The following LDB2 variants were observed in gnomAD, a reference collection of about 807,000 sequenced individuals.
LDB2 encodes LIM domain binding 2, also known as LIM domain-binding protein 2.
A neutral mutation model predicts 44.3 loss-of-function variants in LDB2; 12 were observed. The ratio of observed to expected loss-of-function variants is 0.27; its 90% CI spans 0.17 to 0.44. The LOEUF is 0.44. Among genes scored for constraint, LDB2 ranks in the 20% least tolerant of loss-of-function variants. The pLI, the probability that LDB2 is intolerant of heterozygous loss-of-function variation, is 1.00. For synonymous variants in LDB2, 164 were observed against 174.8 expected, an observed-to-expected ratio of 0.94 and a Z score of 0.49; for missense variants, 344 against 473.5, an observed-to-expected ratio of 0.73 and a Z score of 2.54.
At chr4:16,659,367 C>G (rs920717786) in intron 2 of LDB2, among the ~76,000 whole-genome samples, 2 of 152,118 alleles carry the variant, frequency 1.3e-5, no homozygotes, top group African/African-American at 4.8e-5. Flanking sequence ...CATGGCCTCA[C>G]CACTGAAGTC....
At chr4:16,868,945 G>A (rs191049215) in intron 1 of LDB2, among the ~76,000 whole-genome samples, 9 of 152,124 alleles carry the variant, frequency 5.9e-5, no homozygotes, top group Middle Eastern at 3.4e-3. Context: ...TGATGATGCC[G>A]GTGATGAGAA....
intron 5 of LDB2, among the ~76,000 whole-genome samples, chr4:16,573,284 C>T (rs1302275481): frequency 6.6e-6 from 1 of 152,168 alleles, no homozygotes; most frequent in Non-Finnish European, 1.5e-5. Context: ...GAGCTGGTTT[C>T]TGAATCAGAC....
intron 1 of LDB2, among the ~76,000 whole-genome samples, chr4:16,783,458 C>A (rs182685495): frequency 6.6e-6 from 1 of 152,236 alleles, no homozygotes; most frequent in African/African-American, 2.4e-5. Context: ...GAATGGCCAC[C>A]CACGGAGGTT....
chr4:16,534,386 C>G (rs1731071930), intron 5 of LDB2, among the ~76,000 whole-genome samples: 2 of 152,148 alleles, frequency 1.3e-5, no homozygotes, highest in African/African-American at 2.4e-5. Flanking sequence ...ATGGGACTTG[C>G]CTCATAATTT....
intron 1 of LDB2, among the ~76,000 whole-genome samples, chr4:16,818,300 G>A (rs1278264308): frequency 1.3e-5 from 2 of 152,130 alleles, no homozygotes; most frequent in Non-Finnish European, 2.9e-5. Flanking sequence ...AGATAGAGCT[G>A]GCAGTGTGTC....
intron 1 of LDB2, among the ~76,000 whole-genome samples, chr4:16,818,569 G>A (rs1007174478): frequency 1.5e-4 from 23 of 152,174 alleles, no homozygotes; most frequent in African/African-American, 5.5e-4. Context: ...AGAAGAACGT[G>A]AGCCAGGAAT....
intron 1 of LDB2, among the ~76,000 whole-genome samples, chr4:16,874,533 T>G (rs1007921724): frequency 6.6e-6 from 1 of 152,168 alleles, no homozygotes. Context: ...GAGGGACAGA[T>G]AGATCACTCT....
chr4:16,672,759 C>G (rs1745146185), intron 2 of LDB2, among the ~76,000 whole-genome samples: 1 of 152,156 alleles, frequency 6.6e-6, no homozygotes, highest in Non-Finnish European at 1.5e-5. Flanking sequence ...TCCTCTTTCC[C>G]TGCAGTAACA....
chr4:16,670,227 A>G (rs1386461652), intron 2 of LDB2, among the ~76,000 whole-genome samples: 2 of 152,208 alleles, frequency 1.3e-5, no homozygotes, highest in Admixed American at 6.5e-5. Context: ...TAGAACCAGT[A>G]TGCAAGGACA....
intron 5 of LDB2, among the ~76,000 whole-genome samples, chr4:16,563,429 A>ATTTTTTTTTTTTTTTTTT (rs1169491759): frequency 2.1e-5 from 1 of 46,576 alleles, no homozygotes; most frequent in African/African-American, 8.7e-5. Context: ...CAGTCATCAG[A>ATTTTTTTTTTTTTTTTTT]TTTTTTTTTT....
At chr4:16,639,742 G>A (rs1420675702) in intron 2 of LDB2, among the ~76,000 whole-genome samples, 2 of 152,198 alleles carry the variant, frequency 1.3e-5, no homozygotes, top group East Asian at 1.9e-4. Flanking sequence ...TTACAGGCGT[G>A]AGCCACCGTA....
At chr4:16,828,026 C>A (rs778904002) in intron 1 of LDB2, among the ~76,000 whole-genome samples, 2 of 152,108 alleles carry the variant, frequency 1.3e-5, no homozygotes, top group Non-Finnish European at 2.9e-5. Context: ...CCACTTCCAC[C>A]AAACCATTTC....
chr4:16,548,742 A>G (rs965767620), intron 5 of LDB2, among the ~76,000 whole-genome samples: 3 of 152,240 alleles, frequency 2.0e-5, no homozygotes, highest in African/African-American at 7.2e-5. Flanking sequence ...AATTAGCTGA[A>G]AGCCTTTTGG....
chr4:16,797,844 G>T (rs1777036518), intron 1 of LDB2, among the ~76,000 whole-genome samples: 2 of 151,750 alleles, frequency 1.3e-5, no homozygotes, highest in South Asian at 2.1e-4. Context: ...AGACCAGCCT[G>T]GCCAACATGG....
chr4:16,710,364 C>T (rs933916315), intron 2 of LDB2, among the ~76,000 whole-genome samples: 9 of 152,074 alleles, frequency 5.9e-5, no homozygotes, highest in South Asian at 2.1e-4. Flanking sequence ...TCAAATCAAC[C>T]GACAGCTTTA....
chr4:16,779,202 C>T (rs915114890), intron 1 of LDB2, among the ~76,000 whole-genome samples: 1 of 152,170 alleles, frequency 6.6e-6, no homozygotes, highest in Non-Finnish European at 1.5e-5. Context: ...CCACCACTGG[C>T]AGGACGCCTC....
intron 5 of LDB2, among the ~76,000 whole-genome samples, chr4:16,566,639 A>G (rs16893636): frequency 0.013 from 1,933 of 152,248 alleles, 29 homozygotes; most frequent in South Asian, 0.063. Context: ...CAAAACATAA[A>G]CCAGATGACA....
At chr4:16,559,594 T>C (rs1349371543) in intron 5 of LDB2, among the ~76,000 whole-genome samples, 1 of 152,142 alleles carries the variant, frequency 6.6e-6, no homozygotes, top group Non-Finnish European at 1.5e-5. Context: ...CAAAGAGACT[T>C]CGACTCCCAC....
At chr4:16,791,664 C>T (rs1419327038) in intron 1 of LDB2, among the ~76,000 whole-genome samples, 6 of 150,858 alleles carry the variant, frequency 4.0e-5, no homozygotes, top group Admixed American at 1.3e-4. Context: ...TGACAACATC[C>T]AGATCAGAAC....
Sources: allele counts gnomAD v4.1 joint callset (sites outside exome capture counted in the v4.1 genomes callset), GRCh38; gene constraint gnomAD v4.1.1; transcripts MANE v1.5; gene names NCBI Gene and HGNC (gene_info 2026-07-23, HGNC 2026-07-21).